ZCCHC2: variants seen among roughly 807,000 people sequenced by gnomAD.
ZCCHC2 encodes the protein zinc finger CCHC domain-containing protein 2.
ZCCHC2 carries 39 observed loss-of-function variants against 103.6 expected under a neutral mutation model. That is an observed-to-expected ratio of 0.38 (90% CI 0.29 to 0.49). The LOEUF is 0.49. Ranked by LOEUF, ZCCHC2 falls within the 20% of genes least tolerant of loss-of-function variation. ZCCHC2 has a pLI of 0.96. For missense variants in ZCCHC2, 1,483 were observed against 1,491.0 expected (o/e 0.99, Z 0.09); for synonymous variants, 687 against 608.9 (o/e 1.13, Z -1.89).
intron 1 of ZCCHC2, chr18:62,527,108 G>A (rs756844648): frequency 6.9e-6 from 1 of 144,312 alleles, no homozygotes; most frequent in African/African-American, 2.6e-5. Flanking sequence ...GAAGCTCTTT[G>A]GTGTGCCAAA....
chr18:62,567,065 G>A (rs1003848245), intron 11 of ZCCHC2, among the ~76,000 whole-genome samples: 4 of 152,182 alleles, frequency 2.6e-5, no homozygotes, highest in Non-Finnish European at 2.9e-5. Context: ...ATCCGTCACC[G>A]ATTTGTATGT....
At chr18:62,565,432 T>C (rs1286837838) in intron 11 of ZCCHC2, among the ~76,000 whole-genome samples, 1 of 152,182 alleles carries the variant, frequency 6.6e-6, no homozygotes, top group African/African-American at 2.4e-5. Context: ...TCCTGTGGCT[T>C]TGCCGGCCGC....
downstream of ZCCHC2, among the ~76,000 whole-genome samples, chr18:62,579,129 C>T (rs144383855): frequency 6.4e-3 from 981 of 152,282 alleles, 8 homozygotes; most frequent in Non-Finnish European, 0.011. Context: ...GACTGCACTC[C>T]GTGAGTTTTG....
intron 12 of ZCCHC2, among the ~76,000 whole-genome samples, 169 bp from the exon 13 acceptor site, chr18:62,573,888 C>T (rs1916689695): frequency 2.0e-5 from 3 of 152,134 alleles, no homozygotes; most frequent in South Asian, 4.1e-4. Context: ...GATCTAATAT[C>T]GACCCATAGA....
At chr18:62,539,830 A>G (rs1915098400) in intron 2 of ZCCHC2, 38 bp downstream of exon 2, 3 of 1,489,194 alleles carry the variant, frequency 2.0e-6, no homozygotes, top group South Asian at 1.2e-5. Flanking sequence ...GCATTAATAC[A>G]TCAAAAGATT....
intron 5 of ZCCHC2, among the ~76,000 whole-genome samples, chr18:62,554,622 A>C (rs1915805012): frequency 6.6e-6 from 1 of 152,184 alleles, no homozygotes; most frequent in South Asian, 2.1e-4. Flanking sequence ...ATGTATACAT[A>C]GTATTTGGAG....
chr18:62,556,081 G>T, intron 5 of ZCCHC2, 122 bp from the exon 6 acceptor site: 1 of 696,452 alleles, frequency 1.4e-6, no homozygotes, highest in African/African-American at 1.8e-5. Context: ...CTTTTCTATA[G>T]GAAAAATATT....
At position 62,523,862 on chromosome 18, in the gene ZCCHC2, C is replaced by T. The variant is rs1914195488; in HGVS notation, c.438C>T (p.Arg146=). 7 of 1,544,446 alleles carry T rather than the reference C, an allele frequency of 4.5e-6. No homozygotes were observed. The highest frequency in any genetic ancestry group is 6.1e-6 in the Non-Finnish European group (7 of 1,146,226). Residue 146 remains arginine, a synonymous_variant, in exon 1 of 14, where the codon CGC becomes CGT. Transcript: ENST00000269499. ...DLARKDYHYL[R]DSEAKANGLS... ...CGCGCAAGGACTACCACTACCTGCG[C>T]GACTCGGAGGCCAAGGCCAACGGCC...
intron 7 of ZCCHC2, among the ~76,000 whole-genome samples, chr18:62,560,184 AAG>A (rs2145518300): frequency 6.6e-6 from 1 of 152,312 alleles, no homozygotes; most frequent in South Asian, 2.1e-4. Context: ...TGTTTCTTAA[AAG>A]AGGCAAATAT....
At chr18:62,548,955 C>G (rs1915536793) in intron 4 of ZCCHC2, among the ~76,000 whole-genome samples, 3 of 151,904 alleles carry the variant, frequency 2.0e-5, no homozygotes, top group South Asian at 4.1e-4. Context: ...CGTGGTGGCT[C>G]ACGCCTGTAA....
chr18:62,527,214 G>T (rs1914466575), intron 1 of ZCCHC2, among the ~76,000 whole-genome samples: 2 of 152,112 alleles, frequency 1.3e-5, no homozygotes, highest in South Asian at 4.2e-4. Context: ...CCAGAATAGT[G>T]CACCTGGCTC....
intron 6 of ZCCHC2, among the ~76,000 whole-genome samples, chr18:62,558,114 C>A (rs1400356880): frequency 6.6e-6 from 1 of 151,468 alleles, no homozygotes; most frequent in African/African-American, 2.4e-5. Flanking sequence ...AAAAATAATG[C>A]TAAAGTCCTG....
intron 12 of ZCCHC2, among the ~76,000 whole-genome samples, chr18:62,570,757 C>T (rs1916567991): frequency 6.6e-6 from 1 of 152,176 alleles, no homozygotes; most frequent in South Asian, 2.1e-4. Flanking sequence ...CTCTTGTAGA[C>T]AACATATAGT....
At chr18:62,568,758 G>A (rs184230883) in intron 11 of ZCCHC2, among the ~76,000 whole-genome samples, 229 of 152,260 alleles carry the variant, frequency 1.5e-3, no homozygotes, top group African/African-American at 5.4e-3. Flanking sequence ...TGATTCTCTT[G>A]ATCTTGGGTT....
At chr18:62,567,669 C>T (rs1162451686) in intron 11 of ZCCHC2, among the ~76,000 whole-genome samples, 8 of 152,036 alleles carry the variant, frequency 5.3e-5, no homozygotes, top group African/African-American at 1.9e-4. Context: ...CATGGCCAGG[C>T]GCGGTGGCTC....
Position 62,523,506 on chromosome 18 carries a change from C to A in ZCCHC2, c.82C>A (p.Arg28=), listed in dbSNP as rs1261861909. ...GGCGGAGGAGCCCGAGGCGGACGCG[C>A]GGCCGGGCGCGAAGGCGCCTTCGCG... ...PEAEEPEADA[R]PGAKAPSRRR... Residue 28 remains arginine, a synonymous_variant, in exon 1 of 14, where the codon CGG becomes AGG. Coordinates refer to ENST00000269499, the MANE Select transcript of ZCCHC2 (RefSeq NM_017742.6). 1.0e-6 allele frequency: 1 copy of A among 978,414 alleles called. No homozygotes were observed. The highest frequency in any genetic ancestry group is 1.2e-4 in the East Asian group (1 of 8,396). The allele number at this position is 978,414 out of a possible 1,614,324, so 60.6% of individuals were successfully genotyped here. A position where few individuals can be genotyped will look rare whatever the true frequency, so the allele number is the denominator to read the frequency against.
chr18:62,550,276 G>A, intron 4 of ZCCHC2, 72 bp from the exon 5 acceptor site: 6 of 1,114,786 alleles, frequency 5.4e-6, no homozygotes, highest in Non-Finnish European at 7.8e-6. Flanking sequence ...TTCATTTTAT[G>A]CATATAACTT....
chr18:62,532,126 C>T (rs187986666), intron 1 of ZCCHC2, among the ~76,000 whole-genome samples: 3,795 of 152,332 alleles, frequency 0.025, 145 homozygotes, highest in African/African-American at 0.085. Flanking sequence ...TGTGTGTGCG[C>T]GCGCGCGCAC....
At chr18:62,563,213 T>G in intron 9 of ZCCHC2, 69 bp downstream of exon 9, 1 of 1,537,476 alleles carries the variant, frequency 6.5e-7, no homozygotes, top group South Asian at 1.2e-5. Context: ...AAAATTAAGT[T>G]CTGTAAGCTT....
Sources: allele counts gnomAD v4.1 joint callset (sites outside exome capture counted in the v4.1 genomes callset), GRCh38; gene constraint gnomAD v4.1.1; transcripts MANE v1.5; gene names NCBI Gene and HGNC (gene_info 2026-07-23, HGNC 2026-07-21).